IL16: variants seen among roughly 807,000 people sequenced by gnomAD.
The protein encoded by IL16 is interleukin 16.
Under a neutral mutation model 110.1 loss-of-function variants are expected in IL16, and 67 were observed. That is an observed-to-expected ratio of 0.61 (90% confidence interval 0.50 to 0.75). The LOEUF (loss-of-function observed/expected upper bound fraction) is 0.75. Ranked by LOEUF, IL16 falls within the 30% of genes least tolerant of loss-of-function variation. The pLI is 0.00. For synonymous variants in IL16, 689 were observed against 662.9 expected (o/e 1.04, Z -0.61); for missense variants, 1,545 against 1,655.0 (o/e 0.93, Z 1.15).
intron 1 of IL16, among the ~76,000 whole-genome samples, chr15:81,191,074 A>G (rs1895491176): frequency 6.6e-6 from 1 of 152,194 alleles, no homozygotes. Flanking sequence ...CAGCCTCCAC[A>G]CTGGCCCACA....
chr15:81,232,042 G>GTTTTTTTGTTTTTTTT (rs1897008513), intron 2 of IL16, among the ~76,000 whole-genome samples: 3 of 57,698 alleles, frequency 5.2e-5, no homozygotes, highest in Non-Finnish European at 1.0e-4. Context: ...ATTTGTTCTT[G>GTTTTTTTGTTTTTTTT]TTTTTTTTTT....
At chr15:81,275,549 G>T (rs891630676) in intron 6 of IL16, among the ~76,000 whole-genome samples, 4 of 151,568 alleles carry the variant, frequency 2.6e-5, no homozygotes, top group African/African-American at 9.7e-5. Flanking sequence ...TTTAAACAAA[G>T]GGGTGGGGGA....
chr15:81,204,246 T>TA (rs1895927577), intron 1 of IL16, among the ~76,000 whole-genome samples: 1 of 152,104 alleles, frequency 6.6e-6, no homozygotes, highest in African/African-American at 2.4e-5. Flanking sequence ...GTTTTCTAGA[T>TA]ATACAATCAT....
At chr15:81,267,491 C>CACATACACACACAT (rs1555420235) in intron 4 of IL16, among the ~76,000 whole-genome samples, 1 of 149,604 alleles carries the variant, frequency 6.7e-6, no homozygotes, top group African/African-American at 2.5e-5. Context: ...CACACACACA[C>CACATACACACACAT]ACACACACAC....
rs1900992833 is a variant in IL16, at chr15:81,313,756, C to T, written c.*4958C>T. On this transcript the variant is annotated 3_prime_UTR_variant, in exon 19 of 19. Transcript: ENST00000683961. Reference sequence around the variant, plus strand: ...AGGAACGAAGAGATGCTGCCCTTCACTATTTAGGGTCTGCAACCTCCTGGG... The same window carrying T: ...AGGAACGAAGAGATGCTGCCCTTCATTATTTAGGGTCTGCAACCTCCTGGG... 1 of 166,468 alleles carries T rather than the reference C, an allele frequency of 6.0e-6. No homozygotes were observed. Among genetic ancestry groups the T allele is most frequent in the Admixed American group, 6.4e-5 (1 of 15,636 alleles). The allele number at this position is 166,468 out of a possible 1,614,324, so 10.3% of individuals were successfully genotyped here.
intron 1 of IL16, among the ~76,000 whole-genome samples, chr15:81,214,936 G>C (rs192053915): frequency 6.6e-6 from 1 of 152,084 alleles, no homozygotes; most frequent in Admixed American, 6.5e-5. Flanking sequence ...TCTGATTGTA[G>C]TATGAAATTT....
chr15:81,299,371 G>A lies in IL16; in HGVS notation c.2054-9G>A. The A allele has an allele frequency of 6.2e-7, 1 of 1,610,750 alleles. No homozygotes were observed. Among genetic ancestry groups the A allele is most frequent in the Non-Finnish European group, 8.5e-7 (1 of 1,179,996 alleles). ...AATGCACAGCTTTGGCCTTGTTTCT[G>A]CACTGTAGTGACCCAAACATCCCCG... On this transcript the variant is annotated splice_polypyrimidine_tract_variant and intron_variant, in intron 13 of 18. Coordinates refer to ENST00000683961, the MANE Select transcript of IL16 (RefSeq NM_172217.5).
At chr15:81,257,253 A>T (rs1464123203) in intron 2 of IL16, among the ~76,000 whole-genome samples, 1 of 152,258 alleles carries the variant, frequency 6.6e-6, no homozygotes, top group Non-Finnish European at 1.5e-5. Flanking sequence ...GGGAATTGAC[A>T]TGTGGTTTCT....
At chr15:81,285,956 T>C (rs1899432042) in intron 10 of IL16, 126 bp downstream of exon 10, 5 of 1,004,662 alleles carry the variant, frequency 5.0e-6, no homozygotes, top group Non-Finnish European at 7.5e-6. Context: ...AAGAATCCCT[T>C]CCAAGTTTCT....
At chr15:81,196,536 C>T (rs1027508017), upstream of IL16, among the ~76,000 whole-genome samples, 12 of 152,250 alleles carry the variant, frequency 7.9e-5, no homozygotes, top group Admixed American at 1.3e-4. Flanking sequence ...CGTGCCACAG[C>T]TTCCAGCATG....
At chr15:81,247,801 A>G (rs188358723) in intron 2 of IL16, among the ~76,000 whole-genome samples, 2 of 152,094 alleles carry the variant, frequency 1.3e-5, no homozygotes, top group African/African-American at 4.8e-5. Context: ...GCAGCAACTC[A>G]TCTGTTTTCT....
At chr15:81,198,657 C>T (rs1895685483) in intron 1 of IL16, among the ~76,000 whole-genome samples, 1 of 119,990 alleles carries the variant, frequency 8.3e-6, no homozygotes, top group Non-Finnish European at 1.6e-5. Flanking sequence ...TTGTCAACCC[C>T]TCCCCCTTTC....
chr15:81,225,319 A>T lies in IL16; in HGVS notation c.-81A>T. On this transcript the variant is annotated 5_prime_UTR_variant, in exon 2 of 19. Coordinates refer to ENST00000683961, the MANE Select transcript of IL16 (RefSeq NM_172217.5). ...TCTAGGGACTCATGAAGTGGCAGCT[A>T]AGCCCTGTCCAGTGGCCACCCGTCA... 3 of 1,557,014 alleles carry T rather than the reference A, an allele frequency of 1.9e-6. No homozygotes were observed. The highest frequency in any genetic ancestry group is 2.6e-6 in the Non-Finnish European group (3 of 1,156,066).
chr15:81,206,086 A>T (rs1187936997), intron 1 of IL16, among the ~76,000 whole-genome samples: 1 of 152,244 alleles, frequency 6.6e-6, no homozygotes, highest in Admixed American at 6.5e-5. Context: ...TTTCAGATTA[A>T]TTAGACAAAA....
rs72239238 is a variant in IL16 at position 81,278,030 on chromosome 15, CTATTTATT to C, written c.791-753_791-746del. Among the ~76,000 whole-genome samples, 202 of 149,234 alleles carry C rather than the reference CTATTTATT, an allele frequency of 1.4e-3. 1 individual carries two copies. Among genetic ancestry groups the C allele is most frequent in the Middle Eastern group, 3.4e-3 (1 of 294 alleles). The stretch of plus-strand genomic sequence containing the variant: ...GACTTGCAGTCAAAAGATCCAAGTC[CTATTTATT>C]TATTTATTTATTTATTTATTTATTT... On this transcript the variant is annotated intron_variant, in intron 6 of 18. Coordinates refer to ENST00000683961, the MANE Select transcript of IL16 (RefSeq NM_172217.5).
At chr15:81,266,297 C>T (rs1898380402) in intron 4 of IL16, among the ~76,000 whole-genome samples, 1 of 152,174 alleles carries the variant, frequency 6.6e-6, no homozygotes, top group South Asian at 2.1e-4. Context: ...ACCTGCTTTA[C>T]CAACATTGCC....
rs116010484 is a variant in IL16, at chr15:81,303,793, C to T, written c.3420+143C>T. 6.0e-3 allele frequency: 3,884 copies of T among 643,944 alleles called. 68 individuals are homozygous for T. The highest frequency in any genetic ancestry group is 0.043 in the African/African-American group (2,417 of 55,678). 39.9% of individuals were successfully genotyped at this position (643,944 alleles called of 1,614,324 possible). ...CACTGGGCAGGTCCTGTCCACTCAG[C>T]ACATCCCAGAGCCTGGGGCTGCGTG... On this transcript the variant is annotated intron_variant, in intron 16 of 18. Transcript: ENST00000683961. This position sits in a 1 kb window ranked among gnomAD's most constrained non-coding sequence, Gnocchi z 4.1.
chr15:81,228,321 C>CG (rs1358668900), intron 2 of IL16, among the ~76,000 whole-genome samples: 6 of 98,412 alleles, frequency 6.1e-5, no homozygotes, highest in Non-Finnish European at 8.0e-5. Flanking sequence ...ATGTACAACA[C>CG]ATTTTTTTTT....
intron 11 of IL16, among the ~76,000 whole-genome samples, chr15:81,290,784 T>G (rs141612413): frequency 2.2e-3 from 328 of 152,246 alleles, no homozygotes; most frequent in African/African-American, 7.8e-3. Flanking sequence ...TGTGCCAGGC[T>G]CTCTCCAGCT....
Sources: allele counts gnomAD v4.1 joint callset (sites outside exome capture counted in the v4.1 genomes callset), GRCh38; gene constraint gnomAD v4.1.1; non-coding constraint Gnocchi (gnomAD v3.1); transcripts MANE v1.5; gene names NCBI Gene and HGNC (gene_info 2026-07-23, HGNC 2026-07-21).